The following LINC00632 variants were observed in gnomAD, a reference collection of about 807,000 sequenced individuals.
The protein encoded by LINC00632 is ALDOA related specific transcript.
intron 3 of LINC00632, among the ~76,000 whole-genome samples, chrX:140,747,385 G>A (rs951296728): frequency 9.1e-5 from 10 of 110,060 alleles, no homozygotes; most frequent in Non-Finnish European, 1.5e-4. Flanking sequence ...AAAATTAGCC[G>A]GGCATGGTGG....
exon 5 of LINC00632, chrX:140,783,225 A>G: frequency 4.6e-6 from 1 of 216,715 alleles, no homozygotes; most frequent in East Asian, 9.7e-5. Context: ...CGGGTCTTCC[A>G]GCGACTTCAA....
At chrX:140,783,720 C>G (rs941459893) in exon 5 of LINC00632, 1 of 1,211,533 alleles carries the variant, frequency 8.3e-7, no homozygotes, top group Admixed American at 2.2e-5. Context: ...TCCAGGTCTT[C>G]CAGTCAATCC....
intron 2 of LINC00632, among the ~76,000 whole-genome samples, chrX:140,724,729 TACAC>T (rs747669015): frequency 3.4e-5 from 1 of 29,317 alleles, no homozygotes; most frequent in African/African-American, 1.1e-4. Context: ...ACATTCCATA[TACAC>T]ACACACATTC....
intron 3 of LINC00632, among the ~76,000 whole-genome samples, chrX:140,744,574 G>GGGGGT (rs1270900569): frequency 2.5e-5 from 1 of 39,305 alleles, no homozygotes; most frequent in Non-Finnish European, 7.0e-5. Context: ...TTTTGGGGGG[G>GGGGGT]GGGGTGGGGG....
At chrX:140,769,416 C>T (rs1476819096) in intron 3 of LINC00632, among the ~76,000 whole-genome samples, 1 of 110,807 alleles carries the variant, frequency 9.0e-6, no homozygotes, top group Non-Finnish European at 1.9e-5. Context: ...TTGCAAGTGG[C>T]AATTCTAAAA....
At chrX:140,720,916 C>T in intron 2 of LINC00632, among the ~76,000 whole-genome samples, 1 of 111,325 alleles carries the variant, frequency 9.0e-6, no homozygotes, top group Non-Finnish European at 1.9e-5. Context: ...AAAGTCACTT[C>T]ATAACACACA....
chrX:140,784,034 A>G (rs773210559), exon 5 of LINC00632: 1 of 1,211,269 alleles, frequency 8.3e-7, no homozygotes, highest in East Asian at 3.0e-5. Flanking sequence ...TAGCTTCCAA[A>G]AAATCCGGGT....
chrX:140,780,892 C>T (rs945518955), exon 5 of LINC00632, among the ~76,000 whole-genome samples: 2 of 110,775 alleles, frequency 1.8e-5, no homozygotes, highest in Admixed American at 9.8e-5. Flanking sequence ...CTGTATTAGC[C>T]TCACATCCCA....
chrX:140,769,779 G>A (rs191374303), intron 3 of LINC00632, among the ~76,000 whole-genome samples: 1 of 110,547 alleles, frequency 9.0e-6, no homozygotes, highest in African/African-American at 3.3e-5. Flanking sequence ...TCGTGCCTCC[G>A]CCTTTGTCCC....
intron 1 of LINC00632, chrX:140,711,591 C>T (rs1157831179): frequency 2.2e-5 from 7 of 313,056 alleles, no homozygotes; most frequent in Admixed American, 2.2e-4. Context: ...ATATAAATAT[C>T]TGTGTGCTTT....
At chrX:140,723,600 C>CACAG (rs1930795944) in intron 2 of LINC00632, among the ~76,000 whole-genome samples, 1 of 2,145 alleles carries the variant, frequency 4.7e-4, no homozygotes, top group African/African-American at 1.4e-3. Context: ...CATACACAGA[C>CACAG]ACACATTCCA....
At chrX:140,785,517 T>A (rs1214679176) in exon 5 of LINC00632, among the ~76,000 whole-genome samples, 2 of 112,353 alleles carry the variant, frequency 1.8e-5, no homozygotes, top group Non-Finnish European at 3.8e-5. Context: ...GATCCAAAGG[T>A]TGATTGCTTC....
At chrX:140,773,465 C>T (rs1265090477) in exon 4 of LINC00632, among the ~76,000 whole-genome samples, 1 of 112,376 alleles carries the variant, frequency 8.9e-6, no homozygotes, top group Admixed American at 9.4e-5. Flanking sequence ...ACTCAAAGTT[C>T]TGCTTTGTTC....
At chrX:140,725,356 TAC>T (rs753390314) in intron 2 of LINC00632, among the ~76,000 whole-genome samples, 9 of 82,798 alleles carry the variant, frequency 1.1e-4, no homozygotes, top group South Asian at 5.7e-4. Flanking sequence ...ACACATTCCA[TAC>T]ACACACACAG....
intron 2 of LINC00632, among the ~76,000 whole-genome samples, chrX:140,722,207 A>G (rs765191731): frequency 1.9e-4 from 21 of 110,827 alleles, no homozygotes; most frequent in Non-Finnish European, 3.0e-4. Flanking sequence ...GACTGGCCCG[A>G]TAAGATAGAA....
intron 4 of LINC00632, among the ~76,000 whole-genome samples, chrX:140,774,332 A>G (rs1179583334): frequency 8.9e-6 from 1 of 112,374 alleles, no homozygotes; most frequent in Non-Finnish European, 1.9e-5. Flanking sequence ...ATTACTTACA[A>G]TCCTATAAAG....
chrX:140,716,574 C>T (rs879081893), intron 2 of LINC00632, among the ~76,000 whole-genome samples: 6 of 110,373 alleles, frequency 5.4e-5, no homozygotes, highest in Non-Finnish European at 1.1e-4. Context: ...TAGAAACACT[C>T]GACAGCACAC....
intron 3 of LINC00632, among the ~76,000 whole-genome samples, chrX:140,752,007 T>G (rs1336823492): frequency 9.0e-6 from 1 of 111,428 alleles, no homozygotes; most frequent in Non-Finnish European, 1.9e-5. Flanking sequence ...TTGGTGATGA[T>G]TATCTTAGGG....
intron 3 of LINC00632, among the ~76,000 whole-genome samples, chrX:140,740,020 A>C (rs1463202056): frequency 8.9e-6 from 1 of 112,015 alleles, no homozygotes; most frequent in African/African-American, 3.2e-5. Flanking sequence ...ATAACATTTC[A>C]TTATACATCT....
Sources: gnomAD v4.1 joint callset for allele counts (sites outside exome capture counted in the v4.1 genomes callset) on GRCh38, gnomAD v4.1.1 for gene constraint, MANE v1.5 for transcripts, NCBI Gene and HGNC (gene_info 2026-07-23, HGNC 2026-07-21) for gene names.